The following IBTK variants were observed in gnomAD, a reference collection of about 807,000 sequenced individuals.
IBTK encodes the protein BTK-binding protein.
IBTK carries 83 observed loss-of-function variants against 154.9 expected under a neutral mutation model. The observed-to-expected ratio is 0.54, with a 90% confidence interval of 0.45 to 0.64. The LOEUF is 0.64. Among genes scored for constraint, IBTK ranks in the 30% least tolerant of loss-of-function variants. The pLI is 0.00. For synonymous variants in IBTK, 515 were observed against 536.1 expected, an observed-to-expected ratio of 0.96 and a Z score of 0.54; for missense variants, 1,332 against 1,584.6, an observed-to-expected ratio of 0.84 and a Z score of 2.71.
Position 82,225,509 on chromosome 6 carries a change from G to T in IBTK, c.793C>A (p.Pro265Thr). Residue 265 changes from proline (P) to threonine (T), a missense_variant, in exon 6 of 29, where the codon CCA (proline) becomes ACA (threonine). Physicochemically the swap from Pro to Thr is conservative, Grantham distance 38 (BLOSUM62 -1). This residue lies in a region of IBTK where 1,134 missense variants were observed against 1,274.7 expected (regional missense o/e 0.89). Coordinates refer to ENST00000306270, the MANE Select transcript of IBTK (RefSeq NM_015525.4). ...GGTACATTACAACTGGAAGGCGGTG[G>T]AATAATTCCTAATTGATGAAAAATG... ...LNIFHQLGII[P>T]PPSSCNVPRQ... 6.2e-7 allele frequency: 1 copy of T among 1,612,680 alleles called. No homozygotes were observed. Among genetic ancestry groups the T allele is most frequent in the South Asian group, 1.1e-5 (1 of 90,820 alleles).
In IBTK at chr6:82,231,058, G is replaced by T. The variant is rs114735524; in HGVS notation, c.543+660C>A. On this transcript the variant is annotated intron_variant, in intron 4 of 28. Coordinates refer to ENST00000306270, the MANE Select transcript of IBTK (RefSeq NM_015525.4). ...CTATCTACTATCCAAACTGAGAACTGAGACTTAGACATTTAATTATTTATT... is the reference window on the plus strand; with the variant it reads ...CTATCTACTATCCAAACTGAGAACTTAGACTTAGACATTTAATTATTTATT... Among the ~76,000 whole-genome samples, 762 of 152,212 alleles carry T rather than the reference G, an allele frequency of 5.0e-3. 11 individuals are homozygous for T. Among genetic ancestry groups the T allele is most frequent in the African/African-American group, 0.017 (724 of 41,520 alleles).
At chr6:82,234,279 AC>A (rs1770633724) in intron 2 of IBTK, 24 bp from the exon 3 acceptor site, 1 of 933,140 alleles carries the variant, frequency 1.1e-6, no homozygotes, top group African/African-American at 1.7e-5. Context: ...ACAAACAAAT[AC>A]ATAAATATAT....
In IBTK at chr6:82,171,432, C is replaced by T. The variant is rs781287639; in HGVS notation, c.4055G>A (p.Gly1352Glu). ...PLAVPMWNKH[G>E]C ...TCTCAACTCCACAGTGAACTAGCAT[C>T]CATGCTTATTCCACATAGGTACTGC... The change falls in exon 29 of 29, where the codon GGA (glycine) becomes GAA (glutamate). Residue 1352 changes from glycine to glutamate, a missense_variant. Around this residue, in one of 3 missense-constraint regions of IBTK, gnomAD observed 1,134 missense variants for 1,274.7 expected, o/e 0.89. Transcript: ENST00000306270. 5 of 1,612,142 alleles carry T rather than the reference C, an allele frequency of 3.1e-6. No individual in the cohort carries two copies. Among genetic ancestry groups the T allele is most frequent in the Non-Finnish European group, 4.2e-6 (5 of 1,179,336 alleles).
chr6:82,243,647 T>C (rs1342474257), intron 1 of IBTK, among the ~76,000 whole-genome samples: 1 of 152,226 alleles, frequency 6.6e-6, no homozygotes, highest in Non-Finnish European at 1.5e-5. Flanking sequence ...GTTTCAGGCA[T>C]CCACTGGGGG....
chr6:82,199,330 G>T (rs966540177), intron 21 of IBTK, among the ~76,000 whole-genome samples: 1 of 152,102 alleles, frequency 6.6e-6, no homozygotes, highest in Non-Finnish European at 1.5e-5. Context: ...AATGTGATGA[G>T]AAGTTAACAA....
At chr6:82,192,132 T>G (rs1029899511) in intron 23 of IBTK, among the ~76,000 whole-genome samples, 3 of 152,046 alleles carry the variant, frequency 2.0e-5, no homozygotes, top group African/African-American at 7.2e-5. Context: ...CTAATATGTA[T>G]CCAAAGTCAT....
chr6:82,186,868 A>C (rs1768575428), intron 25 of IBTK, among the ~76,000 whole-genome samples: 1 of 151,834 alleles, frequency 6.6e-6, no homozygotes, highest in South Asian at 2.1e-4. Flanking sequence ...TTTTCATAAA[A>C]TAAATGTATA....
intron 9 of IBTK, among the ~76,000 whole-genome samples, chr6:82,219,334 T>C (rs1769986221): frequency 1.3e-5 from 2 of 152,154 alleles, no homozygotes; most frequent in Non-Finnish European, 2.9e-5. Context: ...CCCTACAATA[T>C]ATGCCTATAA....
rs765349964 is a variant in IBTK at position 82,214,308 on chromosome 6, C to G, written c.2123G>C (p.Gly708Ala). The part of the protein sequence containing the change: ...QKSKPKSCKK[G>A]KNIREDDPVR... Reference sequence around the variant, plus strand: ...AGGATCATCTTCCCTAATATTTTTTCCTTTTTTACAAGATTTAGGTTTGCT... The same window carrying G: ...AGGATCATCTTCCCTAATATTTTTTGCTTTTTTACAAGATTTAGGTTTGCT... Residue 708 changes from glycine to alanine, a missense_variant, in exon 12 of 29, where the codon GGA becomes GCA. Physicochemically the swap from Gly to Ala is moderately conservative, Grantham distance 60 (BLOSUM62 0). This residue lies in a region of IBTK where 1,134 missense variants were observed against 1,274.7 expected (regional missense o/e 0.89). Coordinates refer to ENST00000306270, the MANE Select transcript of IBTK (RefSeq NM_015525.4). 6.2e-7 allele frequency: 1 copy of G among 1,613,080 alleles called. No homozygotes were observed. The highest frequency in any genetic ancestry group is 1.1e-5 in the South Asian group (1 of 90,928).
chr6:82,207,030 A>G (rs961882829), intron 16 of IBTK, among the ~76,000 whole-genome samples: 3 of 152,180 alleles, frequency 2.0e-5, no homozygotes, highest in African/African-American at 7.2e-5. Context: ...AAACAAGACA[A>G]GGACAACCAC....
At chr6:82,232,063 T>TG (rs1194986547) in intron 3 of IBTK, among the ~76,000 whole-genome samples, 36 of 22,064 alleles carry the variant, frequency 1.6e-3, no homozygotes, top group African/African-American at 8.2e-3. Flanking sequence ...TTTGTTGTTG[T>TG]TTTTTTTTAA....
At chr6:82,203,083 T>A (rs1278658172) in intron 17 of IBTK, among the ~76,000 whole-genome samples, 3 of 141,882 alleles carry the variant, frequency 2.1e-5, no homozygotes, top group African/African-American at 8.0e-5. Context: ...GAAATAATTC[T>A]ATAAAATATA....
intron 4 of IBTK, 119 bp downstream of exon 4, chr6:82,231,599 C>T: frequency 1.6e-6 from 1 of 639,882 alleles, no homozygotes; most frequent in South Asian, 3.2e-5. Context: ...GATTGATTTC[C>T]TCATTAAAAT....
chr6:82,220,679 C>T lies in IBTK; in HGVS notation c.1159G>A (p.Gly387Ser). 2 of 1,600,892 alleles carry T rather than the reference C, an allele frequency of 1.2e-6. No homozygotes were observed. The highest frequency in any genetic ancestry group is 1.7e-6 in the Non-Finnish European group (2 of 1,175,888). ...LNLKKVLVSG[G>S]HMEYKVDPEH... ...GGATCAACCTTGTATTCCATATGAC[C>T]CCCAGACACAAGAACTTTTTTCAAG... is the stretch of plus-strand genomic sequence containing the variant. Residue 387 changes from glycine (G) to serine (S), a missense_variant, in exon 9 of 29, where the codon GGT becomes AGT. Transcript: ENST00000306270.
chr6:82,237,367 C>T (rs1204968389), intron 2 of IBTK, among the ~76,000 whole-genome samples: 1 of 148,328 alleles, frequency 6.7e-6, no homozygotes, highest in Non-Finnish European at 1.5e-5. Context: ...AAACAGATAC[C>T]CCAAGGTTTC....
chr6:82,245,597 T>C (rs1239421020), intron 1 of IBTK, among the ~76,000 whole-genome samples: 1 of 152,074 alleles, frequency 6.6e-6, no homozygotes, highest in East Asian at 1.9e-4. Flanking sequence ...TGATAAATTC[T>C]GGGTGAGAGC....
At position 82,223,619 on chromosome 6, in the gene IBTK, A is replaced by T; in HGVS notation, c.945T>A (p.Gly315=). The change falls in exon 8 of 29, where the codon GGT becomes GGA. Residue 315 remains glycine (G), a splice_region_variant and synonymous_variant. Transcript: ENST00000306270. Reference sequence around the variant, plus strand: ...TTTCTCCATTGGGATCTAGCAAACAACCTAAAAAATGATACAAATAAGCAA... The same window carrying T: ...TTTCTCCATTGGGATCTAGCAAACATCCTAAAAAATGATACAAATAAGCAA... ...YTMGLNGGQL[G]CLLDPNGEKC... 1 of 1,611,386 alleles carries T rather than the reference A, an allele frequency of 6.2e-7. No individual in the cohort carries two copies. Among genetic ancestry groups the T allele is most frequent in the Non-Finnish European group, 8.5e-7 (1 of 1,178,516 alleles).
rs35132776 is a variant in IBTK, at chr6:82,205,058, T to TA, written c.2510-101dup. On this transcript the variant is annotated intron_variant, in intron 16 of 28. Coordinates refer to ENST00000306270, the MANE Select transcript of IBTK (RefSeq NM_015525.4). Reference sequence around the variant, plus strand: ...TAGTACACTAGAAAAGAGATTTAAGTAAAAAAAAAATTTGAAGTAATTAGT... The same window carrying TA: ...TAGTACACTAGAAAAGAGATTTAAGTAAAAAAAAAAATTTGAAGTAATTAGT... 1,727 of 493,876 alleles carry TA rather than the reference T, an allele frequency of 3.5e-3. 1 individual carries two copies. Among genetic ancestry groups the TA allele is most frequent in the Non-Finnish European group, 4.2e-3 (1,245 of 294,254 alleles). The allele number at this position is 493,876 out of a possible 1,614,324, so 30.6% of individuals were successfully genotyped here.
At chr6:82,204,806 A>C in intron 17 of IBTK, 51 bp downstream of exon 17, 1 of 1,151,188 alleles carries the variant, frequency 8.7e-7, no homozygotes, top group Non-Finnish European at 1.3e-6. Flanking sequence ...AAGTACAGTA[A>C]TCCTTGATGA....
Sources: allele counts gnomAD v4.1 joint callset (sites outside exome capture counted in the v4.1 genomes callset), GRCh38; gene constraint gnomAD v4.1.1; regional missense constraint gnomAD v4.1.1; transcripts MANE v1.5; gene names NCBI Gene and HGNC (gene_info 2026-07-23, HGNC 2026-07-21).